NOPCHAP1: variants seen among roughly 807,000 people sequenced by gnomAD.
The protein encoded by NOPCHAP1 is NOP protein chaperone 1, also known as DNA damage-sensitive RNA 1.
Under a neutral mutation model 14.0 loss-of-function variants are expected in NOPCHAP1, and 13 were observed. The ratio of observed to expected loss-of-function variants is 0.93; its 90% CI spans 0.60 to 1.47. The LOEUF (loss-of-function observed/expected upper bound fraction) is 1.47, where lower values mean the gene tolerates loss of function less well. Among genes scored for constraint, NOPCHAP1 ranks in the 40% most tolerant of loss-of-function variants. The probability of loss-of-function intolerance (pLI) is 0.00; values close to 1 mark genes in which losing one functional copy is unlikely to be tolerated. For synonymous variants in NOPCHAP1, 78 were observed against 78.4 expected (o/e 1.00, Z 0.03); for missense variants, 230 against 226.9 (o/e 1.01, Z -0.09).
rs565290627 is a variant in NOPCHAP1 at position 105,014,435 on chromosome 12, A to G, written c.*19739A>G. 1 of 152,224 alleles carries G rather than the reference A, an allele frequency of 6.6e-6. No individual in the cohort carries two copies. Among genetic ancestry groups the G allele is most frequent in the African/African-American group, 2.4e-5 (1 of 41,458 alleles). The allele number at this position is 152,224 out of a possible 1,614,324, so 9.4% of individuals were successfully genotyped here. A position where few individuals can be genotyped will look rare whatever the true frequency, so the allele number is the denominator to read the frequency against. ...ACAAATCTCCAAAAATGTTAAAAAT[A>G]TATTTATTGAAAATAATCCATGTAT... On this transcript the variant is annotated 3_prime_UTR_variant, in exon 4 of 4. Transcript: ENST00000552951.
chr12:105,006,190 A>G lies in NOPCHAP1; in HGVS notation c.*11494A>G, dbSNP rs1210368117. The G allele has an allele frequency of 6.6e-6, 1 of 152,162 alleles. No homozygotes were observed. Among genetic ancestry groups the G allele is most frequent in the Non-Finnish European group, 1.5e-5 (1 of 68,012 alleles). The allele number at this position is 152,162 out of a possible 1,614,324, so 9.4% of individuals were successfully genotyped here. A position where few individuals can be genotyped will look rare whatever the true frequency, so the allele number is the denominator to read the frequency against. On this transcript the variant is annotated 3_prime_UTR_variant, in exon 4 of 4. Transcript: ENST00000552951. ...CTGGACACAGTTTTTTTCAGCACAAATTTATTGTTTCAGGCTTGATGGCTT... is the reference window on the plus strand; with the variant it reads ...CTGGACACAGTTTTTTTCAGCACAAGTTTATTGTTTCAGGCTTGATGGCTT...
chr12:104,995,517 A>C lies in NOPCHAP1; in HGVS notation c.*821A>C, dbSNP rs1383247978. 6.6e-6 allele frequency: 1 copy of C among 152,154 alleles called. No homozygotes were observed. The allele number at this position is 152,154 out of a possible 1,614,324, so 9.4% of individuals were successfully genotyped here. ...ATATCCCATTAAGTGCTTTTGTTAA[A>C]TGCTTTCAGAGGGTGGCTCCTACCC... On this transcript the variant is annotated 3_prime_UTR_variant, in exon 4 of 4. Coordinates refer to ENST00000552951, the MANE Select transcript of NOPCHAP1 (RefSeq NM_152318.3).
Position 104,997,048 on chromosome 12 carries a change from ACT to A in NOPCHAP1, c.*2353_*2354del, listed in dbSNP as rs1164112502. 6.6e-6 allele frequency: 1 copy of A among 152,150 alleles called. No homozygotes were observed. Among genetic ancestry groups the A allele is most frequent in the Non-Finnish European group, 1.5e-5 (1 of 68,026 alleles). 9.4% of individuals were successfully genotyped at this position (152,150 alleles called of 1,614,324 possible). A position where few individuals can be genotyped will look rare whatever the true frequency, so the allele number is the denominator to read the frequency against. On this transcript the variant is annotated 3_prime_UTR_variant, in exon 4 of 4. Transcript: ENST00000552951. Reference sequence around the variant, plus strand: ...TTTGCTTCTTTATCCAAGTTGCCACACTGTTTCTTTTGATTGGGGCATTTAGC... The same window carrying A: ...TTTGCTTCTTTATCCAAGTTGCCACAGTTTCTTTTGATTGGGGCATTTAGC...
rs1357719119 is a variant in NOPCHAP1, at chr12:105,001,163, G to C, written c.*6467G>C. On this transcript the variant is annotated 3_prime_UTR_variant, in exon 4 of 4. Transcript: ENST00000552951. ...GTTTTATAACTTGTCCAGTGAAACA[G>C]GTTCTTCTATTGCTGGAAATTCCTC... 6.6e-6 allele frequency: 1 copy of C among 152,042 alleles called. No individual in the cohort carries two copies. The highest frequency in any genetic ancestry group is 1.9e-4 in the East Asian group (1 of 5,200). 9.4% of individuals were successfully genotyped at this position (152,042 alleles called of 1,614,324 possible). A position where few individuals can be genotyped will look rare whatever the true frequency, so the allele number is the denominator to read the frequency against.
chr12:104,986,773 T>C (rs1305312906), intron 1 of NOPCHAP1, among the ~76,000 whole-genome samples: 1 of 152,162 alleles, frequency 6.6e-6, no homozygotes, highest in African/African-American at 2.4e-5. Context: ...GCTGGGAAGC[T>C]CTCGAGTTCT....
Position 105,004,473 on chromosome 12 carries a change from G to GA in NOPCHAP1, c.*9779dup, listed in dbSNP as rs1250214184. The GA allele has an allele frequency of 6.6e-6, 1 of 152,228 alleles. No homozygotes were observed. Among genetic ancestry groups the GA allele is most frequent in the Non-Finnish European group, 1.5e-5 (1 of 68,040 alleles). The allele number at this position is 152,228 out of a possible 1,614,324, so 9.4% of individuals were successfully genotyped here. On this transcript the variant is annotated 3_prime_UTR_variant, in exon 4 of 4. Coordinates refer to ENST00000552951, the MANE Select transcript of NOPCHAP1 (RefSeq NM_152318.3). ...TCCAGCTACTTGGGAGGCTGAGACA[G>GA]AAGAGTCACTTGAACCCAGGAGGTG... is the stretch of plus-strand genomic sequence containing the variant.
In NOPCHAP1 at chr12:105,007,955, TG is replaced by T. The variant is rs1873739723; in HGVS notation, c.*13260del. ...AAGTCTTTGCTATTGTGAGCAGTGC[TG>T]CAGTAAACATACATGTGTCTTTATA... On this transcript the variant is annotated 3_prime_UTR_variant, in exon 4 of 4. Transcript: ENST00000552951. 6.6e-6 allele frequency: 1 copy of T among 152,208 alleles called. No homozygotes were observed. Among genetic ancestry groups the T allele is most frequent in the South Asian group, 2.1e-4 (1 of 4,826 alleles). 9.4% of individuals were successfully genotyped at this position (152,208 alleles called of 1,614,324 possible). A position where few individuals can be genotyped will look rare whatever the true frequency, so the allele number is the denominator to read the frequency against.
intron 2 of NOPCHAP1, among the ~76,000 whole-genome samples, chr12:104,988,796 G>A (rs1487751191): frequency 6.6e-6 from 1 of 151,968 alleles, no homozygotes; most frequent in African/African-American, 2.4e-5. Flanking sequence ...TAAGCATGAA[G>A]GTAATGAAGG....
rs779264151 is a variant in NOPCHAP1 at position 104,986,467 on chromosome 12, G to C, written c.115G>C (p.Gly39Arg). ...GACGGCGGGAAGCGACGGCCGCGGA[G>C]GTGACGGACGGGTGACGGCGGCATG... ...LLTAGSDGRG[G>R]IWDRLLINSQ... is the part of the protein sequence containing the mutation. Residue 39 changes from glycine (G) to arginine (R), a missense_variant and splice_region_variant, in exon 1 of 4, where the codon GGT becomes CGT. By Grantham distance (125) the Gly-to-Arg change is moderately radical. Transcript: ENST00000552951. The C allele has an allele frequency of 4.4e-6, 7 of 1,597,776 alleles. No individual in the cohort carries two copies. Among genetic ancestry groups the C allele is most frequent in the Non-Finnish European group, 6.0e-6 (7 of 1,170,954 alleles).
chr12:104,991,904 A>C (rs1053509363), intron 3 of NOPCHAP1, 56 bp downstream of exon 3: 1 of 1,526,914 alleles, frequency 6.5e-7, no homozygotes, highest in African/African-American at 1.4e-5. Flanking sequence ...TCACCTAAGA[A>C]GAAGAGAACT....
chr12:105,014,726 C>T lies in NOPCHAP1; in HGVS notation c.*20030C>T, dbSNP rs1873911856. On this transcript the variant is annotated 3_prime_UTR_variant, in exon 4 of 4. Transcript: ENST00000552951. ...TATTAAAACTGTTCCACACAGTTGC[C>T]CACAGCCTGAAACCTATCAAATGTA... is the stretch of plus-strand genomic sequence containing the variant. The T allele has an allele frequency of 6.6e-6, 1 of 151,998 alleles. No homozygotes were observed. The highest frequency in any genetic ancestry group is 2.1e-4 in the South Asian group (1 of 4,816). 9.4% of individuals were successfully genotyped at this position (151,998 alleles called of 1,614,324 possible).
In NOPCHAP1 at chr12:104,999,663, C is replaced by T. The variant is rs1195324362; in HGVS notation, c.*4967C>T. On this transcript the variant is annotated 3_prime_UTR_variant, in exon 4 of 4. Coordinates refer to ENST00000552951, the MANE Select transcript of NOPCHAP1 (RefSeq NM_152318.3). ...CGCACCAAAGCCTCTGGGCTCTGCA[C>T]CAGCTAGAATTCTGCCCTACCACTT... is the stretch of plus-strand genomic sequence containing the variant. 3 of 116,148 alleles carry T rather than the reference C, an allele frequency of 2.6e-5. No individual in the cohort carries two copies. Among genetic ancestry groups the T allele is most frequent in the African/African-American group, 3.8e-5 (1 of 26,332 alleles). The allele number at this position is 116,148 out of a possible 1,614,324, so 7.2% of individuals were successfully genotyped here.
rs1364113484 is a variant in NOPCHAP1 at position 105,002,866 on chromosome 12, A to G, written c.*8170A>G. ...TTTTGACCATGGAGTAAAGGTGGTT[A>G]TGGCAGGCAGGCCTGGCTGATCAGA... is the stretch of plus-strand genomic sequence containing the variant. On this transcript the variant is annotated 3_prime_UTR_variant, in exon 4 of 4. Transcript: ENST00000552951. 1 of 152,246 alleles carries G rather than the reference A, an allele frequency of 6.6e-6. No individual in the cohort carries two copies. The highest frequency in any genetic ancestry group is 1.5e-5 in the Non-Finnish European group (1 of 68,042). 9.4% of individuals were successfully genotyped at this position (152,246 alleles called of 1,614,324 possible). A position where few individuals can be genotyped will look rare whatever the true frequency, so the allele number is the denominator to read the frequency against.
Position 105,014,237 on chromosome 12 carries a change from T to G in NOPCHAP1, c.*19541T>G, listed in dbSNP as rs1873900646. Reference sequence around the variant, plus strand: ...GTACTAGGTACCGTCTATAAGTGTTTGTGTGGGTAAGTGCTGATAAATTCT... The same window carrying G: ...GTACTAGGTACCGTCTATAAGTGTTGGTGTGGGTAAGTGCTGATAAATTCT... On this transcript the variant is annotated 3_prime_UTR_variant, in exon 4 of 4. Coordinates refer to ENST00000552951, the MANE Select transcript of NOPCHAP1 (RefSeq NM_152318.3). 6.6e-6 allele frequency: 1 copy of G among 152,240 alleles called. No individual in the cohort carries two copies. Among genetic ancestry groups the G allele is most frequent in the African/African-American group, 2.4e-5 (1 of 41,472 alleles). 9.4% of individuals were successfully genotyped at this position (152,240 alleles called of 1,614,324 possible).
At chr12:104,992,795 T>C (rs1289860362) in intron 3 of NOPCHAP1, among the ~76,000 whole-genome samples, 1 of 152,170 alleles carries the variant, frequency 6.6e-6, no homozygotes, top group Non-Finnish European at 1.5e-5. Flanking sequence ...TGTTGTGCGC[T>C]CTTTATGAGA....
At chr12:104,991,317 C>T (rs966967538) in intron 2 of NOPCHAP1, among the ~76,000 whole-genome samples, 2 of 152,192 alleles carry the variant, frequency 1.3e-5, no homozygotes, top group African/African-American at 4.8e-5. Context: ...ATAACCACTA[C>T]TTAATTAACT....
At position 105,008,826 on chromosome 12, in the gene NOPCHAP1, T is replaced by C. The variant is rs777811870; in HGVS notation, c.*14130T>C. ...GGTATTATTTCTGAGGCCTCTGTTCTGTTCTGTTGGCCTGTATATCTCTTT... is the reference window on the plus strand; with the variant it reads ...GGTATTATTTCTGAGGCCTCTGTTCCGTTCTGTTGGCCTGTATATCTCTTT... On this transcript the variant is annotated 3_prime_UTR_variant, in exon 4 of 4. Coordinates refer to ENST00000552951, the MANE Select transcript of NOPCHAP1 (RefSeq NM_152318.3). 9.2e-5 allele frequency: 14 copies of C among 152,248 alleles called. No homozygotes were observed. The highest frequency in any genetic ancestry group is 1.5e-4 in the Non-Finnish European group (10 of 68,044). 9.4% of individuals were successfully genotyped at this position (152,248 alleles called of 1,614,324 possible).
At chr12:104,986,596 C>T (rs1873242463) in intron 1 of NOPCHAP1, 129 bp downstream of exon 1, 2 of 727,718 alleles carry the variant, frequency 2.7e-6, no homozygotes, top group African/African-American at 1.9e-5. Flanking sequence ...CCGGGGACTG[C>T]TGCGGGGCTC....
In NOPCHAP1 at chr12:104,994,484, G is replaced by T. The variant is rs746117924; in HGVS notation, c.346G>T (p.Ala116Ser). Residue 116 changes from alanine to serine, a missense_variant, in exon 4 of 4, where the codon GCT becomes TCT. Transcript: ENST00000552951. ...TGTCCACTACTTTTTGCAGGATGTGGCTTTGTTTGAGATGAATCAGTCGGA... is the reference window on the plus strand; with the variant it reads ...TGTCCACTACTTTTTGCAGGATGTGTCTTTGTTTGAGATGAATCAGTCGGA... ...PHSKVIQMDV[A>S]LFEMNQSDSK... 1 of 1,613,934 alleles carries T rather than the reference G, an allele frequency of 6.2e-7. No individual in the cohort carries two copies. The highest frequency in any genetic ancestry group is 8.5e-7 in the Non-Finnish European group (1 of 1,179,888).
Sources: gnomAD v4.1 joint callset for allele counts (sites outside exome capture counted in the v4.1 genomes callset) on GRCh38, gnomAD v4.1.1 for gene constraint, MANE v1.5 for transcripts, NCBI Gene and HGNC (gene_info 2026-07-23, HGNC 2026-07-21) for gene names.